FASTKD2: variants seen among roughly 807,000 people sequenced by gnomAD.
The protein encoded by FASTKD2 is FAST kinase domain-containing protein 2, mitochondrial.
Under a neutral mutation model 63.6 loss-of-function variants are expected in FASTKD2, and 51 were observed. The observed-to-expected ratio is 0.80, with a 90% confidence interval of 0.64 to 1.01. The LOEUF (loss-of-function observed/expected upper bound fraction) is 1.01, where lower values mean the gene tolerates loss of function less well. FASTKD2 is among the 50% of genes least tolerant of loss of function. FASTKD2 has a pLI of 0.00. For synonymous variants in FASTKD2, 284 were observed against 293.4 expected (o/e 0.97, Z 0.33); for missense variants, 786 against 831.1 (o/e 0.95, Z 0.67).
intron 7 of FASTKD2, among the ~76,000 whole-genome samples, chr2:206,775,839 C>T (rs557837785): frequency 1.3e-5 from 2 of 152,014 alleles, no homozygotes; most frequent in African/African-American, 4.8e-5. Flanking sequence ...GTAGTCCTAT[C>T]AACATTGTGC....
intron 7 of FASTKD2, among the ~76,000 whole-genome samples, chr2:206,784,532 G>A (rs762273910): frequency 5.3e-5 from 8 of 152,162 alleles, no homozygotes; most frequent in Non-Finnish European, 7.4e-5. Context: ...AATATGTAAC[G>A]TTTAAGCTCT....
rs1254803455 is a variant in FASTKD2, at chr2:206,793,247, AAAAAT to A, written c.*1447_*1451del. Among the ~76,000 whole-genome samples, 153 of 145,972 alleles carry A rather than the reference AAAAAT, an allele frequency of 1.0e-3. 4 individuals are homozygous for A. The highest frequency in any genetic ancestry group is 3.5e-3 in the Middle Eastern group (1 of 288). On this transcript the variant is annotated 3_prime_UTR_variant, in exon 12 of 12. Transcript: ENST00000402774. The stretch of plus-strand genomic sequence containing the variant: ...AAAAAAAAAAAAAAAAAAAAAAAAA[AAAAAT>A]ACAAAAACTATAGCAATATGACAAC...
Position 206,770,136 on chromosome 2 carries a change from A to G in FASTKD2, c.823A>G (p.Thr275Ala), listed in dbSNP as rs200827808. Residue 275 changes from threonine to alanine, a missense_variant, in exon 3 of 12, where the codon ACT becomes GCT. Physicochemically the swap from Thr to Ala is moderately conservative, Grantham distance 58. Coordinates refer to ENST00000402774, the MANE Select transcript of FASTKD2 (RefSeq NM_001136193.2). Reference sequence around the variant, plus strand: ...TGAGATATGCCTTTCAGTTTTGTCAACTGTTTTAGAGGCAATGGAACCATG... The same window carrying G: ...TGAGATATGCCTTTCAGTTTTGTCAGCTGTTTTAGAGGCAATGGAACCATG... The part of the protein sequence containing the change: ...CDEICLSVLS[T>A]VLEAMEPCKN... 38 of 1,612,644 alleles carry G rather than the reference A, an allele frequency of 2.4e-5. No homozygotes were observed. Among genetic ancestry groups the G allele is most frequent in the Admixed American group, 1.3e-4 (8 of 60,010 alleles).
At chr2:206,790,855 G>A (rs1196550113) in intron 11 of FASTKD2, 169 bp downstream of exon 11, 6 of 623,332 alleles carry the variant, frequency 9.6e-6, no homozygotes, top group Admixed American at 8.8e-5. Context: ...GCTAGTACAC[G>A]ATTTGGGTTC....
At chr2:206,780,626 G>C (rs1490518656) in intron 7 of FASTKD2, among the ~76,000 whole-genome samples, 1 of 152,074 alleles carries the variant, frequency 6.6e-6, no homozygotes, top group Non-Finnish European at 1.5e-5. Flanking sequence ...GGTCCTTTGA[G>C]CTTTATGAAT....
chr2:206,769,613 G>A (rs753309578), intron 2 of FASTKD2, among the ~76,000 whole-genome samples: 20 of 152,308 alleles, frequency 1.3e-4, no homozygotes, highest in Admixed American at 1.2e-3. Flanking sequence ...AGACTCACAA[G>A]TAAAGTTTCA....
chr2:206,776,135 T>C (rs966020786), intron 7 of FASTKD2, among the ~76,000 whole-genome samples: 2 of 151,164 alleles, frequency 1.3e-5, no homozygotes, highest in African/African-American at 4.8e-5. Flanking sequence ...TACAAATATA[T>C]ATATAATATA....
At chr2:206,772,413 AGTT>A (rs1357437460) in intron 6 of FASTKD2, 93 bp downstream of exon 6, 1 of 1,247,442 alleles carries the variant, frequency 8.0e-7, no homozygotes, top group East Asian at 2.5e-5. Flanking sequence ...CCTTTATAGT[AGTT>A]AAGATACCAA....
intron 6 of FASTKD2, among the ~76,000 whole-genome samples, chr2:206,772,658 G>C (rs987150362): frequency 6.6e-6 from 1 of 152,204 alleles, no homozygotes; most frequent in Non-Finnish European, 1.5e-5. Flanking sequence ...TTCATGCTGA[G>C]CAGTGGCAGC....
chr2:206,780,927 A>G (rs200181128), intron 7 of FASTKD2, among the ~76,000 whole-genome samples: 1 of 151,992 alleles, frequency 6.6e-6, no homozygotes. Context: ...CAGTTATTAT[A>G]TTCTTTAGCT....
intron 7 of FASTKD2, among the ~76,000 whole-genome samples, chr2:206,780,722 C>T (rs1161155477): frequency 6.6e-6 from 1 of 151,988 alleles, no homozygotes; most frequent in African/African-American, 2.4e-5. Flanking sequence ...TTTTCTTCTC[C>T]CGAGACACCC....
At position 206,767,401 on chromosome 2, in the gene FASTKD2, T is replaced by C; in HGVS notation, c.708T>C (p.Leu236=). The part of the protein sequence containing the change: ...IMQYKYLLFS[L]HAIVKLGIPQ... ...AGTATAAGTACCTACTGTTCAGTCT[T>C]CACGCCATAGTGAAGCTTGGAATCC... The change falls in exon 2 of 12, where the codon CTT becomes CTC. Residue 236 remains leucine (L), a synonymous_variant. Transcript: ENST00000402774. 6.2e-7 allele frequency: 1 copy of C among 1,613,822 alleles called. No individual in the cohort carries two copies. Among genetic ancestry groups the C allele is most frequent in the Non-Finnish European group, 8.5e-7 (1 of 1,180,004 alleles).
chr2:206,777,937 A>G (rs1169974203), intron 7 of FASTKD2, among the ~76,000 whole-genome samples: 2 of 152,148 alleles, frequency 1.3e-5, no homozygotes, highest in African/African-American at 4.8e-5. Context: ...TTGTTGGCAT[A>G]CAGTTGTTCA....
rs1450400260 is a variant in FASTKD2 at position 206,789,126 on chromosome 2, CA to C, written c.1898+224del. ...AGTATTGGTCATTTAATGAGACAGA[CA>C]TTTTTTTAAAATTAGGTTTTGAAGC... On this transcript the variant is annotated intron_variant, in intron 10 of 11. Coordinates refer to ENST00000402774, the MANE Select transcript of FASTKD2 (RefSeq NM_001136193.2). 151 of 511,780 alleles carry C rather than the reference CA, an allele frequency of 3.0e-4. 2 individuals carry two copies. In the South Asian group the frequency reaches 3.5e-3, roughly 12 times the overall value. The allele number at this position is 511,780 out of a possible 1,614,324, so 31.7% of individuals were successfully genotyped here.
Position 206,765,636 on chromosome 2 carries a change from C to T in FASTKD2, c.-162C>T, listed in dbSNP as rs16838842. 2.6e-3 allele frequency: 1,784 copies of T among 682,342 alleles called. 35 individuals are homozygous for T. In the African/African-American group the frequency reaches 0.032, roughly 12 times the overall value. The allele number at this position is 682,342 out of a possible 1,614,324, so 42.3% of individuals were successfully genotyped here. On this transcript the variant is annotated 5_prime_UTR_variant, in exon 1 of 12. Transcript: ENST00000402774. The stretch of plus-strand genomic sequence containing the variant: ...TGTCATGGCTGCTCCTGTACGTAGT[C>T]ACGGTCTTGTGCTCTAAGGTGAGTG...
At position 206,795,471 on chromosome 2, in the gene FASTKD2, A is replaced by C. The variant is rs1690424271; in HGVS notation, c.*3669A>C. Among the ~76,000 whole-genome samples, 1 of 152,186 alleles carries C rather than the reference A, an allele frequency of 6.6e-6. No homozygotes were observed. Among genetic ancestry groups the C allele is most frequent in the Non-Finnish European group, 1.5e-5 (1 of 68,036 alleles). ...ATGGTCTCGATCTCCTGACCTTGCG[A>C]TCTGCCCGCCTTTGGCCTTCCAAAG... On this transcript the variant is annotated 3_prime_UTR_variant, in exon 12 of 12. Coordinates refer to ENST00000402774, the MANE Select transcript of FASTKD2 (RefSeq NM_001136193.2).
chr2:206,772,435 A>C (rs1022066777), intron 6 of FASTKD2, 115 bp downstream of exon 6: 15 of 1,080,610 alleles, frequency 1.4e-5, no homozygotes, highest in Admixed American at 4.2e-5. Context: ...AAAATATTCC[A>C]ATGCTGAATT....
rs140551633 is a variant in FASTKD2 at position 206,793,604 on chromosome 2, G to A, written c.*1802G>A. 6.6e-6 allele frequency among the ~76,000 whole-genome samples: 1 copy of A among 152,282 alleles called. No homozygotes were observed. Among genetic ancestry groups the A allele is most frequent in the East Asian group, 1.9e-4 (1 of 5,180 alleles). ...CTGTTATTAAAGGAACTAAGGTTTT[G>A]TCTTTAAATGTTGAGTGTGCATCAG... On this transcript the variant is annotated 3_prime_UTR_variant, in exon 12 of 12. Coordinates refer to ENST00000402774, the MANE Select transcript of FASTKD2 (RefSeq NM_001136193.2).
Position 206,791,730 on chromosome 2 carries a change from A to G in FASTKD2, c.2061A>G (p.Thr687=), listed in dbSNP as rs138597556. The change falls in exon 12 of 12, where the codon ACA becomes ACG. Residue 687 remains threonine (T), a synonymous_variant. Transcript: ENST00000402774. ...AACTAGAGATGGAAGATGCAGTCAC[A>G]TTTTTGAAGACTAAAATCTATTCAG... ...MDKLEMEDAV[T]FLKTKIYSVE... 12 of 1,612,410 alleles carry G rather than the reference A, an allele frequency of 7.4e-6. No homozygotes were observed. The African/African-American group carries it at 1.5e-4, about 20-fold the overall frequency.
Sources: gnomAD v4.1 joint callset for allele counts (sites outside exome capture counted in the v4.1 genomes callset) on GRCh38, gnomAD v4.1.1 for gene constraint, MANE v1.5 for transcripts, NCBI Gene and HGNC (gene_info 2026-07-23, HGNC 2026-07-21) for gene names.